Variants in REST observed in about 807,000 individuals in gnomAD.
REST encodes RE1-silencing transcription factor.
Under a neutral mutation model 30.4 loss-of-function variants are expected in REST, and 1 was observed. That is an observed-to-expected ratio of 0.03 (90% CI 0.01 to 0.16). The LOEUF is 0.16. REST is among the 10% of genes least tolerant of loss of function. The probability of loss-of-function intolerance (pLI) is 1.00; values close to 1 mark genes in which losing one functional copy is unlikely to be tolerated. For synonymous variants in REST, 504 were observed against 451.1 expected (o/e 1.12, Z -1.49); for missense variants, 1,259 against 1,329.5 (o/e 0.95, Z 0.82).
chr4:56,910,728 G>A lies in REST; in HGVS notation c.90G>A (p.Met30Ile). ...TTGGAATGGCCCTGCCTAACGACATGTATGACTTGCATGACCTTTCCAAAG... is the reference window on the plus strand; with the variant it reads ...TTGGAATGGCCCTGCCTAACGACATATATGACTTGCATGACCTTTCCAAAG... ...GNIGMALPND[M>I]YDLHDLSKAE... Residue 30 changes from methionine to isoleucine, a missense_variant, in exon 2 of 4, where the codon ATG becomes ATA. Coordinates refer to ENST00000309042, the MANE Select transcript of REST (RefSeq NM_005612.5). The A allele has an allele frequency of 6.2e-7, 1 of 1,614,190 alleles. No individual in the cohort carries two copies. Among genetic ancestry groups the A allele is most frequent in the South Asian group, 1.1e-5 (1 of 91,086 alleles).
chr4:56,923,441 CTATTAT>C (rs145930044), intron 3 of REST, among the ~76,000 whole-genome samples: 9 of 151,924 alleles, frequency 5.9e-5, no homozygotes, highest in African/African-American at 9.6e-5. Flanking sequence ...TAATTGGGGA[CTATTAT>C]TATTATTATT....
intron 1 of REST, chr4:56,909,329 C>T (rs977704131): frequency 6.6e-6 from 1 of 152,284 alleles, no homozygotes; most frequent in African/African-American, 2.4e-5. Context: ...ATGCCTATTT[C>T]AGTTAGGAAT....
rs535514335 is a variant in REST at position 56,926,395 on chromosome 4, G to C, written c.983-3446G>C. Among the ~76,000 whole-genome samples, 4 of 150,054 alleles carry C rather than the reference G, an allele frequency of 2.7e-5. No individual in the cohort carries two copies. In the South Asian group the frequency reaches 8.4e-4, roughly 32 times the overall value. ...GCCTTTTTTATTTATTTATTTTTTT[G>C]AGATGGAGTCTTGCTCTGTTGCCCA... On this transcript the variant is annotated intron_variant, in intron 3 of 3. Coordinates refer to ENST00000309042, the MANE Select transcript of REST (RefSeq NM_005612.5).
chr4:56,910,926 T>G lies in REST; in HGVS notation c.288T>G (p.Ser96=), dbSNP rs774024073. The G allele has an allele frequency of 1.2e-6, 2 of 1,614,198 alleles. No individual in the cohort carries two copies. Among genetic ancestry groups the G allele is most frequent in the Non-Finnish European group, 1.7e-6 (2 of 1,180,038 alleles). Residue 96 remains serine (S), a synonymous_variant, in exon 2 of 4, where the codon TCT becomes TCG. Coordinates refer to ENST00000309042, the MANE Select transcript of REST (RefSeq NM_005612.5). ...AAGAAGGAGAAGGACTTGAAGAGTCTGCTGATATAAAAGGTGAACCTCATG... is the reference window on the plus strand; with the variant it reads ...AAGAAGGAGAAGGACTTGAAGAGTCGGCTGATATAAAAGGTGAACCTCATG... ...DSEEGEGLEE[S]ADIKGEPHGL...
At chr4:56,929,819 C>T (rs1426728929) in intron 3 of REST, 22 bp from the exon 4 acceptor site, 1 of 1,570,930 alleles carries the variant, frequency 6.4e-7, no homozygotes, top group African/African-American at 1.4e-5. Context: ...TGTCTTCTCT[C>T]ATACTTTTGA....
chr4:56,911,668 G>T, intron 2 of REST, 132 bp downstream of exon 2: 1 of 718,028 alleles, frequency 1.4e-6, no homozygotes, highest in Admixed American at 2.7e-5. Flanking sequence ...TTGTGACCTT[G>T]CACAAGTTGT....
intron 2 of REST, among the ~76,000 whole-genome samples, chr4:56,913,745 T>G (rs1720040706): frequency 6.6e-6 from 1 of 151,916 alleles, no homozygotes; most frequent in Non-Finnish European, 1.5e-5. Context: ...ACCTCCCAGG[T>G]TCAAGCGATT....
chr4:56,911,133 A>G lies in REST; in HGVS notation c.495A>G (p.Gln165=), dbSNP rs532451268. 81 of 1,614,224 alleles carry G rather than the reference A, an allele frequency of 5.0e-5. No individual in the cohort carries two copies. Among genetic ancestry groups the G allele is most frequent in the South Asian group, 4.9e-4 (45 of 91,084 alleles). ...AACCCTTTCGCTGTAAGCCATGCCA[A>G]TATGAAGCAGAATCTGAAGAACAGT... The part of the protein sequence containing the change: ...KTKPFRCKPC[Q]YEAESEEQFV... The change falls in exon 2 of 4, where the codon CAA becomes CAG. Residue 165 remains glutamine, a synonymous_variant. Transcript: ENST00000309042.
At chr4:56,926,969 G>A (rs571392193) in intron 3 of REST, among the ~76,000 whole-genome samples, 3 of 152,084 alleles carry the variant, frequency 2.0e-5, no homozygotes, top group South Asian at 4.1e-4. Flanking sequence ...AGTGGCACAT[G>A]CCTGTAATCC....
At position 56,910,893 on chromosome 4, in the gene REST, A is replaced by G; in HGVS notation, c.255A>G (p.Ser85=). 6.2e-7 allele frequency: 1 copy of G among 1,614,220 alleles called. No individual in the cohort carries two copies. Among genetic ancestry groups the G allele is most frequent in the South Asian group, 1.1e-5 (1 of 91,088 alleles). Residue 85 remains serine (S), a synonymous_variant, in exon 2 of 4, where the codon TCA becomes TCG. Transcript: ENST00000309042. Reference sequence around the variant, plus strand: ...TGCCGGTTGGGGATAACAACTTTTCAGATAGTGAAGAAGGAGAAGGACTTG... The same window carrying G: ...TGCCGGTTGGGGATAACAACTTTTCGGATAGTGAAGAAGGAGAAGGACTTG... ...ELMPVGDNNF[S]DSEEGEGLEE... is the part of the protein sequence containing the mutation.
In REST at chr4:56,913,347, T is replaced by G. The variant is rs546175306; in HGVS notation, c.898+1811T>G. Among the ~76,000 whole-genome samples the G allele has an allele frequency of 7.2e-5, 11 of 152,314 alleles. No homozygotes were observed. The South Asian group carries it at 2.3e-3, about 32-fold the overall frequency. On this transcript the variant is annotated intron_variant, in intron 2 of 3. Transcript: ENST00000309042. ...AATTTTTTAAAATTTAAATTGGGTT[T>G]TAAATATTGTAATTGAGGGGCCTCA... is the stretch of plus-strand genomic sequence containing the variant.
At chr4:56,920,929 G>A (rs750449522) in intron 3 of REST, among the ~76,000 whole-genome samples, 1 of 151,998 alleles carries the variant, frequency 6.6e-6, no homozygotes, top group African/African-American at 2.4e-5. Flanking sequence ...GCAGTAGTGC[G>A]ATCTCAGCTC....
intron 2 of REST, among the ~76,000 whole-genome samples, chr4:56,915,893 A>G (rs990637893): frequency 4.6e-5 from 7 of 152,212 alleles, no homozygotes; most frequent in Non-Finnish European, 8.8e-5. Context: ...ACACAGGGGA[A>G]AACTTCAGAT....
chr4:56,911,667 T>A, intron 2 of REST, 131 bp downstream of exon 2: 1 of 718,534 alleles, frequency 1.4e-6, no homozygotes, highest in African/African-American at 1.8e-5. Context: ...TTTGTGACCT[T>A]GCACAAGTTG....
intron 3 of REST, among the ~76,000 whole-genome samples, chr4:56,924,514 A>C (rs1720592864): frequency 6.6e-6 from 1 of 152,076 alleles, no homozygotes; most frequent in Admixed American, 6.6e-5. Context: ...CTCAGGGTGG[A>C]GTGCAGTGGG....
chr4:56,922,608 C>A (rs924873385), intron 3 of REST, among the ~76,000 whole-genome samples: 1 of 152,126 alleles, frequency 6.6e-6, no homozygotes. Flanking sequence ...CCACTGCTCC[C>A]GGCCAAGAGC....
rs1423678080 is a variant in REST at position 56,935,755 on chromosome 4, AG to A, written c.*3605del. ...ACCAAGTTTTTGGTCCAAATTATGT[AG>A]GATAAGTTAAACTTAAATTGCATTC... On this transcript the variant is annotated 3_prime_UTR_variant, in exon 4 of 4. Transcript: ENST00000309042. The A allele has an allele frequency of 1.3e-5, 2 of 152,226 alleles. No homozygotes were observed. Among genetic ancestry groups the A allele is most frequent in the Non-Finnish European group, 2.9e-5 (2 of 68,040 alleles). The allele number at this position is 152,226 out of a possible 1,614,324, so 9.4% of individuals were successfully genotyped here.
At position 56,931,348 on chromosome 4, in the gene REST, G is replaced by T. The variant is rs1464450663; in HGVS notation, c.2490G>T (p.Arg830Ser). ...AAAAGTCTAACATGCAGAGTGAAAG[G>T]GCACGGAAGGAGCAAGTCCTTATTG... The part of the protein sequence containing the change: ...KKEKSNMQSE[R>S]ARKEQVLIEV... Residue 830 changes from arginine to serine, a missense_variant, in exon 4 of 4, where the codon AGG becomes AGT. Coordinates refer to ENST00000309042, the MANE Select transcript of REST (RefSeq NM_005612.5). The T allele has an allele frequency of 2.5e-6, 4 of 1,614,236 alleles. No homozygotes were observed. Among genetic ancestry groups the T allele is most frequent in the Non-Finnish European group, 3.4e-6 (4 of 1,180,042 alleles).
rs1306515151 is a variant in REST, at chr4:56,932,015, G to A, written c.3157G>A (p.Val1053Ile). The change falls in exon 4 of 4, where the codon GTC becomes ATC. Residue 1053 changes from valine to isoleucine, a missense_variant. By Grantham distance (29) the Val-to-Ile change is conservative (BLOSUM62 3). Coordinates refer to ENST00000309042, the MANE Select transcript of REST (RefSeq NM_005612.5). ...SRKNAKEALA[V>I]KAAKGDFVCI... Reference sequence around the variant, plus strand: ...AAAAAATGCAAAGGAAGCCTTGGCAGTCAAAGCGGCTAAGGGAGATTTTGT... The same window carrying A: ...AAAAAATGCAAAGGAAGCCTTGGCAATCAAAGCGGCTAAGGGAGATTTTGT... 3 of 1,614,112 alleles carry A rather than the reference G, an allele frequency of 1.9e-6. No individual in the cohort carries two copies. The highest frequency in any genetic ancestry group is 2.5e-6 in the Non-Finnish European group (3 of 1,180,044).
Sources: gnomAD v4.1 joint callset for allele counts (sites outside exome capture counted in the v4.1 genomes callset) on GRCh38, gnomAD v4.1.1 for gene constraint, MANE v1.5 for transcripts, NCBI Gene and HGNC (gene_info 2026-07-23, HGNC 2026-07-21) for gene names.